The following MYO3A variants were observed in gnomAD, a reference collection of about 807,000 sequenced individuals.
MYO3A encodes myosin IIIA.
MYO3A carries 180 observed loss-of-function variants against 192.7 expected under a neutral mutation model. That is an observed-to-expected ratio of 0.93 (90% CI 0.83 to 1.06). The LOEUF is 1.06. MYO3A is among the 50% of genes least tolerant of loss of function. The pLI is 0.00. For missense variants in MYO3A, 1,896 were observed against 1,905.0 expected, an observed-to-expected ratio of 1.00 and a Z score of 0.09; for synonymous variants, 628 against 645.3, an observed-to-expected ratio of 0.97 and a Z score of 0.41.
chr10:26,020,072 A>G (rs1325980459), intron 7 of MYO3A, among the ~76,000 whole-genome samples: 1 of 152,226 alleles, frequency 6.6e-6, no homozygotes, highest in Non-Finnish European at 1.5e-5. Flanking sequence ...ATATGCACAT[A>G]TATGCACATG....
At chr10:25,934,823 T>G (rs1835941693) in intron 1 of MYO3A, among the ~76,000 whole-genome samples, 1 of 147,060 alleles carries the variant, frequency 6.8e-6, no homozygotes. Context: ...ACGGGAGGGG[T>G]GAACGTGAAG....
intron 10 of MYO3A, among the ~76,000 whole-genome samples, chr10:26,044,651 G>A (rs980970055): frequency 2.0e-5 from 3 of 152,158 alleles, no homozygotes; most frequent in Non-Finnish European, 2.9e-5. Context: ...TGACCCAGTA[G>A]CAAAGCCTTA....
intron 10 of MYO3A, among the ~76,000 whole-genome samples, chr10:26,040,047 A>G (rs1319116824): frequency 6.6e-6 from 1 of 151,954 alleles, no homozygotes; most frequent in Non-Finnish European, 1.5e-5. Context: ...CTGTCACTGT[A>G]TTCCATAGGT....
chr10:26,199,223 G>C (rs1843560936), intron 32 of MYO3A, among the ~76,000 whole-genome samples: 1 of 152,066 alleles, frequency 6.6e-6, no homozygotes, highest in Non-Finnish European at 1.5e-5. Context: ...AATAATTTTT[G>C]GAAAAATATA....
chr10:25,972,363 G>T (rs1838706004), intron 4 of MYO3A, among the ~76,000 whole-genome samples: 1 of 151,916 alleles, frequency 6.6e-6, no homozygotes, highest in Non-Finnish European at 1.5e-5. Context: ...CTGTAAGGAT[G>T]ATTTCCTCTA....
In MYO3A at chr10:26,016,828, G is replaced by T; in HGVS notation, c.517G>T (p.Ala173Ser). The change falls in exon 7 of 35, where the codon GCA becomes TCA. Residue 173 changes from alanine (A) to serine (S), a missense_variant. Coordinates refer to ENST00000642920, the MANE Select transcript of MYO3A (RefSeq NM_017433.5). Reference sequence around the variant, plus strand: ...CTTGTCTCTTCCTCTAGGTGTGTCTGCACAGCTCACCAGTACCCGGCACCG... The same window carrying T: ...CTTGTCTCTTCCTCTAGGTGTGTCTTCACAGCTCACCAGTACCCGGCACCG... ...GVKLVDFGVSAQLTSTRHRRN... is the reference protein window; with the variant it reads ...GVKLVDFGVSSQLTSTRHRRN... 6.2e-7 allele frequency: 1 copy of T among 1,614,108 alleles called. No homozygotes were observed. Among genetic ancestry groups the T allele is most frequent in the Non-Finnish European group, 8.5e-7 (1 of 1,179,968 alleles).
At chr10:26,018,644 G>T (rs1297550237) in intron 7 of MYO3A, among the ~76,000 whole-genome samples, 1 of 152,070 alleles carries the variant, frequency 6.6e-6, no homozygotes, top group Non-Finnish European at 1.5e-5. Context: ...AGGTAACAAG[G>T]GAATTAGCGA....
In MYO3A at chr10:26,125,506, C is replaced by T. The variant is rs745655130; in HGVS notation, c.2012C>T (p.Ala671Val). The T allele has an allele frequency of 1.2e-6, 2 of 1,613,950 alleles. No homozygotes were observed. Among genetic ancestry groups the T allele is most frequent in the African/African-American group, 1.3e-5 (1 of 74,920 alleles). Residue 671 changes from alanine to valine, a missense_variant, in exon 19 of 35, where the codon GCT (alanine) becomes GTT (valine). By Grantham distance (64) the Ala-to-Val change is moderately conservative. Coordinates refer to ENST00000642920, the MANE Select transcript of MYO3A (RefSeq NM_017433.5). Reference sequence around the variant, plus strand: ...ATACGACCCAATACTGTAGAAAAAGCTACCGATGTCAGGGATGCCATGGCT... The same window carrying T: ...ATACGACCCAATACTGTAGAAAAAGTTACCGATGTCAGGGATGCCATGGCT... Reference protein sequence around the residue: ...TIIRPNTVEKATDVRDAMAKT... With the variant: ...TIIRPNTVEKVTDVRDAMAKT...
chr10:26,152,872 C>T (rs1258974445), intron 23 of MYO3A, among the ~76,000 whole-genome samples: 2 of 152,146 alleles, frequency 1.3e-5, no homozygotes, highest in Non-Finnish European at 2.9e-5. Context: ...GGAAGCAGAG[C>T]AGAGGCCCTG....
chr10:26,036,535 T>C (rs1229844191), intron 10 of MYO3A, among the ~76,000 whole-genome samples: 1 of 152,234 alleles, frequency 6.6e-6, no homozygotes, highest in Non-Finnish European at 1.5e-5. Flanking sequence ...CCATTTTCTC[T>C]AGTAATTAAT....
At chr10:26,013,800 A>G (rs1434088192) in intron 6 of MYO3A, among the ~76,000 whole-genome samples, 2 of 152,170 alleles carry the variant, frequency 1.3e-5, no homozygotes, top group African/African-American at 2.4e-5. Context: ...AGAAGTCATT[A>G]TATGAAAAAG....
intron 2 of MYO3A, among the ~76,000 whole-genome samples, chr10:25,950,978 A>C (rs892681167): frequency 6.6e-5 from 10 of 152,160 alleles, no homozygotes; most frequent in Non-Finnish European, 8.8e-5. Context: ...TAGAAATGAT[A>C]TAATATAGGG....
intron 4 of MYO3A, among the ~76,000 whole-genome samples, chr10:25,959,606 C>G (rs1588661431): frequency 6.6e-6 from 1 of 152,160 alleles, no homozygotes; most frequent in Non-Finnish European, 1.5e-5. Context: ...TCTTTGATAT[C>G]TCTCTGCTGC....
chr10:25,972,510 G>T (rs993809088), intron 4 of MYO3A, among the ~76,000 whole-genome samples: 7 of 151,670 alleles, frequency 4.6e-5, no homozygotes, highest in East Asian at 1.9e-4. Context: ...TTATTTTTTT[G>T]TTGTTGTTGA....
At chr10:26,003,729 G>A (rs1020087949) in intron 6 of MYO3A, among the ~76,000 whole-genome samples, 3 of 152,104 alleles carry the variant, frequency 2.0e-5, no homozygotes, top group Admixed American at 2.0e-4. Flanking sequence ...TTAAAGGACA[G>A]CCCTTAGTTC....
At chr10:25,992,940 G>A (rs1019512639) in intron 4 of MYO3A, among the ~76,000 whole-genome samples, 1 of 152,184 alleles carries the variant, frequency 6.6e-6, no homozygotes, top group Non-Finnish European at 1.5e-5. Flanking sequence ...TTGCATTGAT[G>A]TTCATCAGGG....
chr10:26,123,257 G>T (rs1428966335), intron 18 of MYO3A, among the ~76,000 whole-genome samples: 1 of 151,920 alleles, frequency 6.6e-6, no homozygotes, highest in African/African-American at 2.4e-5. Context: ...ACTAAAAAAA[G>T]AAAGCATAAA....
At chr10:25,967,857 A>G (rs1838358697) in intron 4 of MYO3A, among the ~76,000 whole-genome samples, 1 of 152,220 alleles carries the variant, frequency 6.6e-6, no homozygotes, top group African/African-American at 2.4e-5. Flanking sequence ...AGAAAAGATC[A>G]GTAAACTTGA....
At chr10:26,166,284 A>T in intron 27 of MYO3A, 106 bp downstream of exon 27, 1 of 996,146 alleles carries the variant, frequency 1.0e-6, no homozygotes, top group Non-Finnish European at 1.6e-6. Flanking sequence ...ATGTTATAGA[A>T]TCTATAACTT....
Sources: gnomAD v4.1 joint callset for allele counts (sites outside exome capture counted in the v4.1 genomes callset) on GRCh38, gnomAD v4.1.1 for gene constraint, MANE v1.5 for transcripts, NCBI Gene and HGNC (gene_info 2026-07-23, HGNC 2026-07-21) for gene names.